The following WDFY3 variants were observed in gnomAD, a reference collection of about 807,000 sequenced individuals.
WDFY3 encodes the protein WD repeat and FYVE domain-containing protein 3.
Under a neutral mutation model 409.6 loss-of-function variants are expected in WDFY3, and 66 were observed. The observed-to-expected ratio is 0.16, with a 90% CI of 0.13 to 0.20. The LOEUF (loss-of-function observed/expected upper bound fraction) is 0.20, where lower values mean the gene tolerates loss of function less well. Among genes scored for constraint, WDFY3 ranks in the 10% least tolerant of loss-of-function variants. WDFY3 has a pLI of 1.00. For synonymous variants in WDFY3, 1,521 were observed against 1,537.1 expected, an observed-to-expected ratio of 0.99 and a Z score of 0.25; for missense variants, 3,031 against 4,298.1, an observed-to-expected ratio of 0.71 and a Z score of 8.24.
rs72330113 is a variant in WDFY3 at position 84,833,711 on chromosome 4, C to CAGAACAGAAG, written c.577-2116_577-2107dup. Reference sequence around the variant, plus strand: ...GAAAAGAGAAGAGAAGAGAAGAGAACAGAACAGAAGAGAACAGAAGAGAAC... The same window carrying CAGAACAGAAG: ...GAAAAGAGAAGAGAAGAGAAGAGAACAGAACAGAAGAGAACAGAAGAGAACAGAAGAGAAC... On this transcript the variant is annotated intron_variant, in intron 7 of 67. Transcript: ENST00000295888. Among the ~76,000 whole-genome samples, 6 of 151,068 alleles carry CAGAACAGAAG rather than the reference C, an allele frequency of 4.0e-5. No homozygotes were observed. The South Asian group carries it at 6.3e-4, about 16-fold the overall frequency.
intron 1 of WDFY3, among the ~76,000 whole-genome samples, chr4:84,949,233 G>A (rs1579256022): frequency 6.6e-6 from 1 of 152,156 alleles, no homozygotes; most frequent in East Asian, 1.9e-4. Context: ...AGGTAAGCAA[G>A]CTCACAGAAT....
At chr4:84,849,690 G>A in intron 5 of WDFY3, 1 of 502,632 alleles carries the variant, frequency 2.0e-6, no homozygotes, top group Non-Finnish European at 3.4e-6. Context: ...AGTGGTAGTG[G>A]TCCAGGCAGA....
intron 13 of WDFY3, among the ~76,000 whole-genome samples, chr4:84,810,860 T>A (rs985127510): frequency 6.6e-6 from 1 of 152,184 alleles, no homozygotes; most frequent in Non-Finnish European, 1.5e-5. Flanking sequence ...CATTCTCTTT[T>A]GCAAAATGAA....
intron 2 of WDFY3, among the ~76,000 whole-genome samples, chr4:84,908,299 CAG>C (rs1767313883): frequency 1.3e-5 from 2 of 152,112 alleles, no homozygotes; most frequent in African/African-American, 4.8e-5. Flanking sequence ...AAGCAGTAGA[CAG>C]ATTCAACAGA....
chr4:84,825,247 T>C (rs559333891), intron 10 of WDFY3, among the ~76,000 whole-genome samples: 54 of 152,048 alleles, frequency 3.6e-4, no homozygotes, highest in African/African-American at 1.2e-3. Flanking sequence ...CAATAAAGTA[T>C]AAAATAGGAA....
chr4:84,886,472 T>C (rs565648163), intron 3 of WDFY3: 2 of 152,250 alleles, frequency 1.3e-5, no homozygotes, highest in South Asian at 4.1e-4. Context: ...GTGAGCACAA[T>C]TGAACCATGT....
chr4:84,851,031 C>T (rs1758936560), intron 4 of WDFY3, among the ~76,000 whole-genome samples: 2 of 131,824 alleles, frequency 1.5e-5, no homozygotes, highest in Non-Finnish European at 3.1e-5. Flanking sequence ...AAGCTATCCT[C>T]CTGCCTCTGC....
chr4:84,786,284 A>C (rs1747537805), intron 23 of WDFY3, 145 bp from the exon 24 acceptor site: 1 of 756,628 alleles, frequency 1.3e-6, no homozygotes, highest in Non-Finnish European at 2.0e-6. Flanking sequence ...CTATCTTCTC[A>C]GCTCTTCATT....
intron 2 of WDFY3, among the ~76,000 whole-genome samples, chr4:84,909,141 A>G (rs1301889747): frequency 6.6e-6 from 1 of 152,112 alleles, no homozygotes; most frequent in Non-Finnish European, 1.5e-5. Flanking sequence ...AGATGGGCCA[A>G]TATATAACTT....
chr4:84,791,488 C>T (rs1392790563), intron 21 of WDFY3, among the ~76,000 whole-genome samples: 7 of 152,176 alleles, frequency 4.6e-5, no homozygotes, highest in Non-Finnish European at 1.0e-4. Context: ...TACAACACTG[C>T]AACTATAGTC....
chr4:84,834,476 ATC>A (rs934598848), intron 7 of WDFY3, among the ~76,000 whole-genome samples: 15 of 150,420 alleles, frequency 1.0e-4, no homozygotes, highest in Non-Finnish European at 3.0e-5. Context: ...GTGAAACCTC[ATC>A]TCTACTAAAA....
At position 84,828,917 on chromosome 4, in the gene WDFY3, T is replaced by C; in HGVS notation, c.956+87A>G. 3.0e-6 allele frequency: 4 copies of C among 1,355,638 alleles called. No individual in the cohort carries two copies. In the South Asian group the frequency reaches 5.3e-5, roughly 18 times the overall value. The allele number at this position is 1,355,638 out of a possible 1,614,324, so 84.0% of individuals were successfully genotyped here. On this transcript the variant is annotated intron_variant, in intron 9 of 67. Coordinates refer to ENST00000295888, the MANE Select transcript of WDFY3 (RefSeq NM_014991.6). The stretch of plus-strand genomic sequence containing the variant: ...AAATAAGTGTTTCCTTAATTTGCTT[T>C]TCCTATAACCCCAAATCACATTGTT...
At chr4:84,786,671 C>T (rs996797234) in intron 23 of WDFY3, among the ~76,000 whole-genome samples, 9 of 152,106 alleles carry the variant, frequency 5.9e-5, no homozygotes, top group Non-Finnish European at 4.4e-5. Flanking sequence ...GCCTCAGTTT[C>T]CTCTTCTGTG....
At chr4:84,818,824 ATTGT>A (rs1753680365) in intron 12 of WDFY3, among the ~76,000 whole-genome samples, 1 of 152,158 alleles carries the variant, frequency 6.6e-6, no homozygotes. Flanking sequence ...ATTGTATGAA[ATTGT>A]TTGGCACTTT....
intron 2 of WDFY3, among the ~76,000 whole-genome samples, chr4:84,904,825 T>A (rs1476896205): frequency 6.6e-6 from 1 of 152,226 alleles, no homozygotes; most frequent in Non-Finnish European, 1.5e-5. Flanking sequence ...GACGTCTCCA[T>A]TTGGTCACTT....
intron 46 of WDFY3, among the ~76,000 whole-genome samples, chr4:84,723,323 T>C (rs1735133940): frequency 6.6e-6 from 1 of 152,220 alleles, no homozygotes; most frequent in East Asian, 1.9e-4. Context: ...CTGATCACAA[T>C]CTCAATAGTG....
intron 47 of WDFY3, 24 bp from the exon 48 acceptor site, chr4:84,718,594 C>T (rs1430270599): frequency 1.3e-6 from 2 of 1,599,480 alleles, no homozygotes; most frequent in African/African-American, 2.7e-5. Context: ...CACAAACATT[C>T]ATTAATATAG....
At chr4:84,735,770 A>C (rs901513772) in intron 42 of WDFY3, among the ~76,000 whole-genome samples, 9 of 152,236 alleles carry the variant, frequency 5.9e-5, no homozygotes, top group African/African-American at 1.9e-4. Context: ...GAAGAAGTTA[A>C]TGCTGGAGGC....
intron 3 of WDFY3, among the ~76,000 whole-genome samples, chr4:84,888,783 A>C (rs1379259099): frequency 6.6e-6 from 1 of 152,072 alleles, no homozygotes; most frequent in Non-Finnish European, 1.5e-5. Flanking sequence ...GGACTAACCA[A>C]GGTGAGAATA....
Sources: gnomAD v4.1 joint callset for allele counts (sites outside exome capture counted in the v4.1 genomes callset) on GRCh38, gnomAD v4.1.1 for gene constraint, MANE v1.5 for transcripts, NCBI Gene and HGNC (gene_info 2026-07-23, HGNC 2026-07-21) for gene names.